The following MTR variants were observed in gnomAD, a reference collection of about 807,000 sequenced individuals.
The protein encoded by MTR is methionine synthase.
MTR carries 84 observed loss-of-function variants against 154.8 expected under a neutral mutation model. The observed-to-expected ratio is 0.54, with a 90% confidence interval of 0.45 to 0.65. The LOEUF (loss-of-function observed/expected upper bound fraction) is 0.65. Ranked by LOEUF, MTR falls within the 30% of genes least tolerant of loss-of-function variation. MTR has a pLI of 0.00. For missense variants in MTR, 1,275 were observed against 1,570.2 expected (o/e 0.81, Z 3.18); for synonymous variants, 554 against 553.9 (o/e 1.00, Z 0.00).
At chr1:236,885,848 T>C (rs1248753784) in intron 26 of MTR, among the ~76,000 whole-genome samples, 1 of 152,094 alleles carries the variant, frequency 6.6e-6, no homozygotes, top group East Asian at 1.9e-4. Flanking sequence ...AAACACGCTG[T>C]TTTGCTTCTG....
chr1:236,812,683 G>A, intron 5 of MTR, 55 bp from the exon 6 acceptor site: 1 of 1,382,960 alleles, frequency 7.2e-7, no homozygotes, highest in Non-Finnish European at 1.0e-6. Flanking sequence ...GATACCCTAG[G>A]GCCATTCAGA....
In MTR at chr1:236,845,433, A is replaced by T. The variant is rs780371353; in HGVS notation, c.1516-4911A>T. Among the ~76,000 whole-genome samples the T allele has an allele frequency of 3.9e-4, 60 of 152,338 alleles. 1 individual carries two copies. Among genetic ancestry groups the T allele is most frequent in the Middle Eastern group, 3.4e-3 (1 of 294 alleles). On this transcript the variant is annotated intron_variant, in intron 15 of 32. Transcript: ENST00000366577. The stretch of plus-strand genomic sequence containing the variant: ...ACAGCAGTGATAAAACTGAAGGCTC[A>T]TTTGTTGCAGAGTGTAGTATAAACT...
chr1:236,889,132 C>G (rs1666179839), intron 27 of MTR, 49 bp from the exon 28 acceptor site: 1 of 1,611,576 alleles, frequency 6.2e-7, no homozygotes, highest in African/African-American at 1.3e-5. Flanking sequence ...AGGCCTCCAT[C>G]AGGCAGGGTG....
chr1:236,817,473 A>G (rs1306939393), intron 8 of MTR, among the ~76,000 whole-genome samples: 1 of 152,174 alleles, frequency 6.6e-6, no homozygotes, highest in Non-Finnish European at 1.5e-5. Flanking sequence ...AGTAATAGAC[A>G]TTTGTTGAGA....
intron 16 of MTR, among the ~76,000 whole-genome samples, chr1:236,852,124 A>G (rs1455179331): frequency 6.6e-6 from 1 of 152,186 alleles, no homozygotes; most frequent in Non-Finnish European, 1.5e-5. Flanking sequence ...TATGGTTGGA[A>G]CTTCAATTTC....
intron 6 of MTR, among the ~76,000 whole-genome samples, chr1:236,814,486 G>A (rs138985344): frequency 2.6e-4 from 40 of 152,264 alleles, no homozygotes; most frequent in African/African-American, 9.1e-4. Context: ...CCCTCACGGT[G>A]CATCTTGTAT....
intron 27 of MTR, among the ~76,000 whole-genome samples, chr1:236,886,924 G>C (rs1341561096): frequency 6.6e-6 from 1 of 152,042 alleles, no homozygotes; most frequent in Non-Finnish European, 1.5e-5. Flanking sequence ...TCTATTTCTT[G>C]CTTTCTCTCT....
At chr1:236,891,941 C>T (rs973058867) in intron 29 of MTR, among the ~76,000 whole-genome samples, 6 of 152,122 alleles carry the variant, frequency 3.9e-5, no homozygotes, top group Non-Finnish European at 7.4e-5. Context: ...CCCCAGTGGC[C>T]GTTCTTTGAC....
chr1:236,853,290 C>A (rs1451306944), intron 18 of MTR, among the ~76,000 whole-genome samples: 2 of 152,024 alleles, frequency 1.3e-5, no homozygotes, highest in African/African-American at 4.8e-5. Context: ...AGGGTGCTTC[C>A]GTATTCTGAA....
rs2103149012 is a variant in MTR, at chr1:236,835,629, G to A, written c.1271G>A (p.Gly424Asp). 1 of 1,610,790 alleles carries A rather than the reference G, an allele frequency of 6.2e-7. No individual in the cohort carries two copies. Among genetic ancestry groups the A allele is most frequent in the Non-Finnish European group, 8.5e-7 (1 of 1,179,428 alleles). Reference sequence around the variant, plus strand: ...AACATGGATGATGGCATGCTAGATGGTCCAAGTGCAATGACCAGATTTTGC... The same window carrying A: ...AACATGGATGATGGCATGCTAGATGATCCAAGTGCAATGACCAGATTTTGC... ...DVNMDDGMLD[G>D]PSAMTRFCNL... The change falls in exon 14 of 33, where the codon GGT becomes GAT. Residue 424 changes from glycine (G) to aspartate (D), a missense_variant. Gly to Asp is a moderately conservative substitution (Grantham distance 94). Transcript: ENST00000366577.
intron 1 of MTR, 141 bp downstream of exon 1, chr1:236,795,878 T>G: frequency 7.6e-7 from 1 of 1,316,810 alleles, no homozygotes; most frequent in Non-Finnish European, 1.1e-6. Flanking sequence ...CTTTAGAACT[T>G]AGCGCAGGAG....
At chr1:236,829,627 G>A (rs1004185025) in intron 12 of MTR, among the ~76,000 whole-genome samples, 5 of 152,186 alleles carry the variant, frequency 3.3e-5, no homozygotes, top group African/African-American at 1.2e-4. Context: ...ATTCCAAACT[G>A]CCAAGGTGTA....
Position 236,835,594 on chromosome 1 carries a change from G to A in MTR, c.1236G>A (p.Val412=). 6.2e-7 allele frequency: 1 copy of A among 1,611,256 alleles called. No homozygotes were observed. Among genetic ancestry groups the A allele is most frequent in the Non-Finnish European group, 8.5e-7 (1 of 1,179,508 alleles). ...TGCAGGTGGAAATGGGAGCCCAGGTGTTGGATGTCAACATGGATGATGGCA... is the reference window on the plus strand; with the variant it reads ...TGCAGGTGGAAATGGGAGCCCAGGTATTGGATGTCAACATGGATGATGGCA... ...AKVQVEMGAQ[V]LDVNMDDGML... is the part of the protein sequence containing the mutation. The change falls in exon 14 of 33, where the codon GTG becomes GTA. Residue 412 remains valine, a synonymous_variant. Coordinates refer to ENST00000366577, the MANE Select transcript of MTR (RefSeq NM_000254.3).
chr1:236,887,365 T>G (rs550796239), intron 27 of MTR, among the ~76,000 whole-genome samples: 5 of 152,210 alleles, frequency 3.3e-5, no homozygotes, highest in Non-Finnish European at 5.9e-5. Flanking sequence ...GGAGTGACCT[T>G]GAGCAGCTTG....
chr1:236,855,021 C>T (rs758455870), intron 18 of MTR, among the ~76,000 whole-genome samples: 13 of 152,112 alleles, frequency 8.5e-5, no homozygotes, highest in African/African-American at 2.2e-4. Flanking sequence ...AGGTGACTTC[C>T]GTTGCCATTG....
At chr1:236,851,409 C>A (rs1379708698) in intron 16 of MTR, among the ~76,000 whole-genome samples, 1 of 152,166 alleles carries the variant, frequency 6.6e-6, no homozygotes, top group Non-Finnish European at 1.5e-5. Context: ...TGTGATGTTC[C>A]TTAGGGAGGA....
intron 20 of MTR, 111 bp from the exon 21 acceptor site, chr1:236,862,125 G>A (rs1664579943): frequency 4.7e-6 from 4 of 853,358 alleles, no homozygotes; most frequent in Non-Finnish European, 8.2e-6. Context: ...CAGTGTAGCT[G>A]TCCTGAAGTC....
chr1:236,878,679 C>G (rs1204995025), intron 24 of MTR, among the ~76,000 whole-genome samples: 1 of 152,144 alleles, frequency 6.6e-6, no homozygotes, highest in African/African-American at 2.4e-5. Context: ...ACATTCAAAG[C>G]TGTCCTGAGC....
intron 24 of MTR, 70 bp from the exon 25 acceptor site, chr1:236,880,685 C>T (rs898311499): frequency 2.2e-5 from 26 of 1,207,642 alleles, no homozygotes; most frequent in Middle Eastern, 1.9e-4. Context: ...TCTCTAATGG[C>T]GCTGAACAAG....
Sources: gnomAD v4.1 joint callset for allele counts (sites outside exome capture counted in the v4.1 genomes callset) on GRCh38, gnomAD v4.1.1 for gene constraint, MANE v1.5 for transcripts, NCBI Gene and HGNC (gene_info 2026-07-23, HGNC 2026-07-21) for gene names.